The following MIPOL1 variants were observed in gnomAD, a reference collection of about 807,000 sequenced individuals.
MIPOL1 encodes mirror-image polydactyly 1.
A neutral mutation model predicts 60.9 loss-of-function variants in MIPOL1; 57 were observed. That is an observed-to-expected ratio of 0.94 (90% confidence interval 0.76 to 1.17). MIPOL1 has a LOEUF of 1.17. Ranked by LOEUF, MIPOL1 falls within the 50% of genes most tolerant of loss-of-function variation. The pLI, the probability that MIPOL1 is intolerant of heterozygous loss-of-function variation, is 0.00. For synonymous variants in MIPOL1, 179 were observed against 168.8 expected, an observed-to-expected ratio of 1.06 and a Z score of -0.47; for missense variants, 551 against 511.6, an observed-to-expected ratio of 1.08 and a Z score of -0.74.
chr14:37,373,530 T>A (rs1595465445), intron 10 of MIPOL1, among the ~76,000 whole-genome samples: 2 of 151,952 alleles, frequency 1.3e-5, no homozygotes, highest in East Asian at 3.9e-4. Context: ...GTATTTCTCC[T>A]CCCCTAGCGC....
At chr14:37,218,463 C>T (rs1322854892) in intron 1 of MIPOL1, among the ~76,000 whole-genome samples, 1 of 152,066 alleles carries the variant, frequency 6.6e-6, no homozygotes, top group Non-Finnish European at 1.5e-5. Flanking sequence ...GCTGGGATCA[C>T]AGACGTGAGC....
intron 12 of MIPOL1, among the ~76,000 whole-genome samples, chr14:37,507,991 C>T (rs2095294743): frequency 6.6e-6 from 1 of 152,084 alleles, no homozygotes; most frequent in Admixed American, 6.6e-5. Flanking sequence ...ATTTGATCCA[C>T]TGTATTTCAT....
chr14:37,277,876 G>A (rs974750164), intron 6 of MIPOL1: 2 of 151,248 alleles, frequency 1.3e-5, no homozygotes, highest in African/African-American at 2.4e-5. Context: ...CTAATATTAG[G>A]AGCATCTTAG....
At chr14:37,374,923 G>T (rs1431430241) in intron 10 of MIPOL1, among the ~76,000 whole-genome samples, 3 of 152,132 alleles carry the variant, frequency 2.0e-5, no homozygotes, top group African/African-American at 7.2e-5. Context: ...TGTGAAGAAA[G>T]TTCATGTTAG....
chr14:37,469,021 C>T (rs1266028631), intron 11 of MIPOL1, among the ~76,000 whole-genome samples: 1 of 152,070 alleles, frequency 6.6e-6, no homozygotes, highest in Non-Finnish European at 1.5e-5. Flanking sequence ...AGTGAGGAGC[C>T]ATCAAAGTGT....
intron 3 of MIPOL1, among the ~76,000 whole-genome samples, chr14:37,255,221 A>G (rs1001744551): frequency 2.0e-5 from 3 of 151,764 alleles, no homozygotes; most frequent in African/African-American, 4.8e-5. Context: ...GTCATATTTC[A>G]GATGACTGTG....
chr14:37,346,464 C>A (rs2090952054), intron 9 of MIPOL1, among the ~76,000 whole-genome samples: 1 of 152,062 alleles, frequency 6.6e-6, no homozygotes, highest in South Asian at 2.1e-4. Context: ...GGATAAATAC[C>A]CTCAGTGTAA....
chr14:37,229,102 C>G (rs1970229804), intron 1 of MIPOL1, among the ~76,000 whole-genome samples: 1 of 152,096 alleles, frequency 6.6e-6, no homozygotes, highest in Non-Finnish European at 1.5e-5. Flanking sequence ...AAAACAGGCA[C>G]TAGAGACATG....
intron 9 of MIPOL1, among the ~76,000 whole-genome samples, chr14:37,330,526 C>T (rs1285825131): frequency 6.6e-6 from 1 of 152,048 alleles, no homozygotes; most frequent in East Asian, 1.9e-4. Flanking sequence ...TAACAGTTCA[C>T]ACATTAAATA....
Position 37,247,886 on chromosome 14 carries a change from C to G in MIPOL1, c.-3C>G. The G allele has an allele frequency of 6.2e-7, 1 of 1,612,636 alleles. No homozygotes were observed. The highest frequency in any genetic ancestry group is 1.3e-5 in the African/African-American group (1 of 74,892). On this transcript the variant is annotated 5_prime_UTR_variant, in exon 3 of 13. Coordinates refer to ENST00000684589, the MANE Select transcript of MIPOL1 (RefSeq NM_001388067.1). ...GCCAGAGCAAACAAGAACAGAAATA[C>G]AAATGGAGAACTGGTCAAAAGGTAA...
intron 1 of MIPOL1, among the ~76,000 whole-genome samples, chr14:37,206,733 A>G (rs1966150916): frequency 6.6e-6 from 1 of 152,242 alleles, no homozygotes. Flanking sequence ...CACCTCTTGC[A>G]TCAGTGTGAC....
At chr14:37,408,135 G>T (rs2093623775) in intron 10 of MIPOL1, among the ~76,000 whole-genome samples, 1 of 151,930 alleles carries the variant, frequency 6.6e-6, no homozygotes, top group African/African-American at 2.4e-5. Context: ...GTCTCCCAAA[G>T]TGTTGGGAAC....
At chr14:37,490,207 G>A (rs941396494) in intron 11 of MIPOL1, among the ~76,000 whole-genome samples, 4 of 152,152 alleles carry the variant, frequency 2.6e-5, no homozygotes, top group African/African-American at 9.7e-5. Context: ...GAGCTGCAGT[G>A]GGCTCCACCC....
At chr14:37,526,109 ATAACT>A (rs1396829217) in intron 12 of MIPOL1, among the ~76,000 whole-genome samples, 2 of 152,130 alleles carry the variant, frequency 1.3e-5, no homozygotes, top group African/African-American at 2.4e-5. Context: ...AATGTGATAG[ATAACT>A]TAAAATATGA....
rs371837573 is a variant in MIPOL1 at position 37,341,253 on chromosome 14, C to T, written c.829-28264C>T. Among the ~76,000 whole-genome samples the T allele has an allele frequency of 2.0e-4, 30 of 152,276 alleles. No homozygotes were observed. The East Asian group carries it at 3.7e-3, about 19-fold the overall frequency. ...ATGGCATCAATGGATTTGCTTGACA[C>T]GGGGTTGCCACAAACCTTCAATATG... On this transcript the variant is annotated intron_variant, in intron 9 of 12. Coordinates refer to ENST00000684589, the MANE Select transcript of MIPOL1 (RefSeq NM_001388067.1).
intron 1 of MIPOL1, among the ~76,000 whole-genome samples, chr14:37,230,323 A>G (rs1970428702): frequency 6.6e-6 from 1 of 152,216 alleles, no homozygotes; most frequent in African/African-American, 2.4e-5. Context: ...TTATTTATTA[A>G]TAGGAAAAGG....
At chr14:37,433,560 T>G (rs750830906) in intron 11 of MIPOL1, among the ~76,000 whole-genome samples, 13 of 151,884 alleles carry the variant, frequency 8.6e-5, no homozygotes, top group Non-Finnish European at 1.6e-4. Context: ...TCATTCTTGT[T>G]TGTTTGTTTT....
intron 7 of MIPOL1, among the ~76,000 whole-genome samples, chr14:37,292,475 T>TTTTG: frequency 7.2e-6 from 1 of 138,904 alleles, no homozygotes; most frequent in Non-Finnish European, 1.6e-5. Flanking sequence ...CTTTTTTTTT[T>TTTTG]TTTTTTTTTT....
downstream of MIPOL1, chr14:37,552,001 A>G (rs1409919868): frequency 2.0e-5 from 3 of 151,954 alleles, no homozygotes; most frequent in Admixed American, 6.6e-5. Flanking sequence ...GCTGAAATCT[A>G]AAAACACTCT....
Sources: gnomAD v4.1 joint callset for allele counts (sites outside exome capture counted in the v4.1 genomes callset) on GRCh38, gnomAD v4.1.1 for gene constraint, MANE v1.5 for transcripts, NCBI Gene and HGNC (gene_info 2026-07-23, HGNC 2026-07-21) for gene names.